The following NTRK2 variants were observed in gnomAD, a reference collection of about 807,000 sequenced individuals.
NTRK2 encodes neurotrophic receptor tyrosine kinase 2.
NTRK2 carries 13 observed loss-of-function variants against 94.5 expected under a neutral mutation model. That is an observed-to-expected ratio of 0.14 (90% CI 0.09 to 0.22). The LOEUF (loss-of-function observed/expected upper bound fraction) is 0.22. NTRK2 is among the 10% of genes least tolerant of loss of function. The pLI, the probability that NTRK2 is intolerant of heterozygous loss-of-function variation, is 1.00. For missense variants in NTRK2, 639 were observed against 1,071.2 expected, an observed-to-expected ratio of 0.60 and a Z score of 5.63; for synonymous variants, 372 against 407.4, an observed-to-expected ratio of 0.91 and a Z score of 1.05.
chr9:84,983,779 A>G (rs934450169), intron 17 of NTRK2, among the ~76,000 whole-genome samples: 4 of 152,192 alleles, frequency 2.6e-5, no homozygotes, highest in Admixed American at 6.5e-5. Context: ...GAGGGACGCG[A>G]TAGCTTTCAT....
chr9:84,885,168 G>A (rs1029370199), intron 14 of NTRK2, among the ~76,000 whole-genome samples: 1 of 152,112 alleles, frequency 6.6e-6, no homozygotes, highest in Non-Finnish European at 1.5e-5. Context: ...GTCCCTCCAG[G>A]CTACTCAGTT....
intron 17 of NTRK2, among the ~76,000 whole-genome samples, chr9:85,008,822 C>T (rs1009552323): frequency 1.2e-4 from 18 of 152,176 alleles, no homozygotes; most frequent in African/African-American, 3.1e-4. Flanking sequence ...TCAAATCCTG[C>T]GGCAAGGGTT....
chr9:84,925,429 C>A (rs930191948), intron 14 of NTRK2, among the ~76,000 whole-genome samples: 3 of 152,110 alleles, frequency 2.0e-5, no homozygotes, highest in Admixed American at 6.5e-5. Context: ...ATTCAGGACA[C>A]CACCCAGGGT....
At chr9:84,872,518 G>C (rs2075903276) in intron 14 of NTRK2, 1 of 1,066,662 alleles carries the variant, frequency 9.4e-7, no homozygotes, top group African/African-American at 1.6e-5. Context: ...TATGTACCTG[G>C]ATGTGTTTGT....
intron 12 of NTRK2, among the ~76,000 whole-genome samples, chr9:84,765,243 G>T (rs2065921243): frequency 6.6e-6 from 1 of 152,056 alleles, no homozygotes; most frequent in African/African-American, 2.4e-5. Flanking sequence ...ATGCTTGAGG[G>T]GATAAATACC....
At chr9:84,882,258 A>G (rs1231393350) in intron 14 of NTRK2, among the ~76,000 whole-genome samples, 1 of 152,192 alleles carries the variant, frequency 6.6e-6, no homozygotes, top group Non-Finnish European at 1.5e-5. Context: ...AAATGCAGCC[A>G]GTTTAACTGA....
At chr9:84,812,425 T>TTTAC (rs1328244385) in intron 12 of NTRK2, 1 of 1,055,390 alleles carries the variant, frequency 9.5e-7, no homozygotes, top group East Asian at 5.3e-5. Flanking sequence ...TCCATTTGAA[T>TTTAC]GTAAGGGCAG....
chr9:84,965,140 T>C (rs1431435264), intron 17 of NTRK2, among the ~76,000 whole-genome samples: 1 of 152,274 alleles, frequency 6.6e-6, no homozygotes, highest in East Asian at 1.9e-4. Flanking sequence ...AAAAAATGAA[T>C]TGGTTCAAGA....
chr9:84,868,775 G>A (rs2132076236), intron 14 of NTRK2, among the ~76,000 whole-genome samples: 1 of 152,224 alleles, frequency 6.6e-6, no homozygotes, highest in East Asian at 1.9e-4. Context: ...TGTCAAATAA[G>A]GAGTAAGACT....
chr9:85,004,848 T>C (rs531068465), intron 17 of NTRK2, among the ~76,000 whole-genome samples: 1 of 152,194 alleles, frequency 6.6e-6, no homozygotes, highest in Non-Finnish European at 1.5e-5. Flanking sequence ...GGGAAATAAT[T>C]AGGAAAAACA....
At position 84,969,178 on chromosome 9, in the gene NTRK2, G is replaced by A. The variant is rs78046977; in HGVS notation, c.2172+13661G>A. On this transcript the variant is annotated intron_variant, in intron 17 of 18. Transcript: ENST00000277120. ...TGCTGTCCTGTACTCTGTTTTTTCC[G>A]TGCTATCCCTAAAGGCAACTGTAGC... is the stretch of plus-strand genomic sequence containing the variant. 4.1e-3 allele frequency among the ~76,000 whole-genome samples: 626 copies of A among 152,174 alleles called. 2 individuals are homozygous for A. The highest frequency in any genetic ancestry group is 3.4e-3 in the Middle Eastern group (1 of 294).
intron 17 of NTRK2, among the ~76,000 whole-genome samples, chr9:85,019,853 G>A (rs1415148013): frequency 6.6e-6 from 1 of 152,180 alleles, no homozygotes; most frequent in Non-Finnish European, 1.5e-5. Flanking sequence ...TGTTCTCCTG[G>A]TCAAAGTGAT....
chr9:84,707,707 A>C (rs2061192943), intron 4 of NTRK2, 137 bp from the exon 5 acceptor site: 2 of 670,044 alleles, frequency 3.0e-6, no homozygotes, highest in Non-Finnish European at 5.1e-6. Context: ...AGTGAAAGAG[A>C]GAGAGATCTG....
chr9:84,671,854 A>G (rs1281247683), intron 2 of NTRK2, among the ~76,000 whole-genome samples: 1 of 152,230 alleles, frequency 6.6e-6, no homozygotes, highest in Non-Finnish European at 1.5e-5. Flanking sequence ...TGCATCACCA[A>G]GCAAGAACTT....
At chr9:84,995,849 A>G (rs982402301) in intron 17 of NTRK2, among the ~76,000 whole-genome samples, 63 of 152,236 alleles carry the variant, frequency 4.1e-4, no homozygotes, top group African/African-American at 1.3e-3. Context: ...AATTCAATAG[A>G]TGACATTCAC....
At chr9:84,890,077 T>G (rs1322211045) in intron 14 of NTRK2, among the ~76,000 whole-genome samples, 1 of 152,200 alleles carries the variant, frequency 6.6e-6, no homozygotes, top group Non-Finnish European at 1.5e-5. Flanking sequence ...ATGCCCAACT[T>G]CTTTAGTTCT....
At chr9:84,844,226 A>G (rs2074343188) in intron 12 of NTRK2, among the ~76,000 whole-genome samples, 1 of 152,076 alleles carries the variant, frequency 6.6e-6, no homozygotes, top group Admixed American at 6.5e-5. Flanking sequence ...GCAAGAGGCT[A>G]GAATAGGCCA....
intron 14 of NTRK2, chr9:84,877,112 C>T (rs2076094561): frequency 1.9e-6 from 2 of 1,064,864 alleles, no homozygotes; most frequent in Middle Eastern, 4.2e-4. Flanking sequence ...TCACACTTTC[C>T]TTCTCGGATT....
chr9:84,895,583 C>T (rs1045307130), intron 14 of NTRK2, among the ~76,000 whole-genome samples: 1 of 152,110 alleles, frequency 6.6e-6, no homozygotes, highest in Non-Finnish European at 1.5e-5. Flanking sequence ...GGTTTTAAAC[C>T]GGTTCTTATT....
Sources: allele counts gnomAD v4.1 joint callset (sites outside exome capture counted in the v4.1 genomes callset), GRCh38; gene constraint gnomAD v4.1.1; transcripts MANE v1.5; gene names NCBI Gene and HGNC (gene_info 2026-07-23, HGNC 2026-07-21).